Variants in IL17RA observed in about 807,000 individuals in gnomAD.
IL17RA encodes interleukin 17 receptor A.
In IL17RA, 34 loss-of-function variants were observed where a neutral mutation model predicts 50.4. The observed-to-expected ratio is 0.67, with a 90% confidence interval of 0.51 to 0.90. The LOEUF is 0.90. IL17RA is among the 40% of genes least tolerant of loss of function. IL17RA has a pLI of 0.00. For missense variants in IL17RA, 1,276 were observed against 1,169.8 expected (o/e 1.09, Z -1.32); for synonymous variants, 585 against 510.4 (o/e 1.15, Z -1.97).
At chr22:17,106,986 G>A (rs1202946853) in intron 11 of IL17RA, among the ~76,000 whole-genome samples, 2 of 152,202 alleles carry the variant, frequency 1.3e-5, no homozygotes, top group African/African-American at 4.8e-5. Flanking sequence ...CTGGGGAAGA[G>A]CTGAAAGGGT....
intron 12 of IL17RA, 113 bp from the exon 13 acceptor site, chr22:17,108,194 T>G: frequency 9.0e-7 from 1 of 1,116,246 alleles, no homozygotes; most frequent in Non-Finnish European, 1.3e-6. Flanking sequence ...GTTTCTCAGC[T>G]TAGGGAGGGA....
At chr22:17,106,149 G>C (rs1351907595) in intron 11 of IL17RA, among the ~76,000 whole-genome samples, 195 bp downstream of exon 11, 3 of 152,254 alleles carry the variant, frequency 2.0e-5, no homozygotes, top group Non-Finnish European at 4.4e-5. Context: ...TATTTGCACA[G>C]TATCTGTTAG....
intron 11 of IL17RA, among the ~76,000 whole-genome samples, chr22:17,106,630 C>T (rs1241770995): frequency 6.6e-6 from 1 of 152,208 alleles, no homozygotes; most frequent in Non-Finnish European, 1.5e-5. Flanking sequence ...GGGGCTTCAG[C>T]CCTTGCCTGC....
At chr22:17,093,459 T>C (rs542450964) in intron 1 of IL17RA, among the ~76,000 whole-genome samples, 3 of 152,330 alleles carry the variant, frequency 2.0e-5, no homozygotes, top group Non-Finnish European at 4.4e-5. Flanking sequence ...GCCCCTGGCC[T>C]CCTTATCAAT....
At position 17,109,150 on chromosome 22, in the gene IL17RA, G is replaced by A; in HGVS notation, c.1931G>A (p.Gly644Glu). 1.3e-6 allele frequency: 2 copies of A among 1,534,702 alleles called. No homozygotes were observed. Among genetic ancestry groups the A allele is most frequent in the African/African-American group, 1.4e-5 (1 of 73,246 alleles). ...AIDPLVGEEG[G>E]AAVAKLEPHL... ...GACCCGCTGGTCGGGGAGGAAGGAG[G>A]AGCAGCAGTGGCAAAGCTGGAACCT... Residue 644 changes from glycine (G) to glutamate (E), a missense_variant, in exon 13 of 13, where the codon GGA (glycine) becomes GAA (glutamate). Transcript: ENST00000319363.
chr22:17,101,573 G>A (rs1454231030), intron 5 of IL17RA, among the ~76,000 whole-genome samples: 1 of 152,212 alleles, frequency 6.6e-6, no homozygotes, highest in Non-Finnish European at 1.5e-5. Context: ...TGTATTTGTT[G>A]AAGGAGTGAA....
intron 9 of IL17RA, among the ~76,000 whole-genome samples, chr22:17,105,235 G>T (rs1375640782): frequency 6.6e-6 from 1 of 152,170 alleles, no homozygotes; most frequent in Non-Finnish European, 1.5e-5. Flanking sequence ...GGAAACTGAG[G>T]CACAGAGATG....
intron 1 of IL17RA, among the ~76,000 whole-genome samples, chr22:17,089,897 G>T (rs1034778107): frequency 1.3e-5 from 2 of 151,062 alleles, no homozygotes; most frequent in Admixed American, 6.6e-5. Context: ...CGAATGAGAG[G>T]TTTGAAATTA....
intron 1 of IL17RA, among the ~76,000 whole-genome samples, chr22:17,089,103 T>A (rs41433144): frequency 0.069 from 10,495 of 152,162 alleles, 460 homozygotes; most frequent in African/African-American, 0.13. Flanking sequence ...GCCAATTTTT[T>A]AATTTTTTTA....
At chr22:17,094,710 T>TTC (rs1325761430) in intron 1 of IL17RA, among the ~76,000 whole-genome samples, 3 of 114,244 alleles carry the variant, frequency 2.6e-5, no homozygotes, top group Admixed American at 8.9e-5. Context: ...TATATATATA[T>TTC]ATATATATTC....
In IL17RA at chr22:17,102,216, G is replaced by C. The variant is rs144085995; in HGVS notation, c.676G>C (p.Glu226Gln). The change falls in exon 7 of 13, where the codon GAA (glutamate) becomes CAA (glutamine). Residue 226 changes from glutamate to glutamine, a missense_variant. Coordinates refer to ENST00000319363, the MANE Select transcript of IL17RA (RefSeq NM_014339.7). ...QLRVSFTLWNESTHYQILLTS... is the reference protein window; with the variant it reads ...QLRVSFTLWNQSTHYQILLTS... ...GCGTGTGAGCTTCACCCTGTGGAAC[G>C]AATCTACCCATTACCAGATCCTGCT... 2.5e-4 allele frequency: 397 copies of C among 1,614,052 alleles called. 1 individual carries two copies. The highest frequency in any genetic ancestry group is 1.4e-3 in the Admixed American group (82 of 59,998).
chr22:17,102,607 AAAAG>A (rs2061395997), intron 7 of IL17RA, among the ~76,000 whole-genome samples: 1 of 152,128 alleles, frequency 6.6e-6, no homozygotes, highest in South Asian at 2.1e-4. Context: ...GGATTTAAAA[AAAAG>A]AAGAAATGTG....
At chr22:17,103,717 A>T (rs1189448825) in intron 8 of IL17RA, 140 bp downstream of exon 8, 5 of 589,572 alleles carry the variant, frequency 8.5e-6, no homozygotes, top group South Asian at 1.6e-5. Flanking sequence ...AGTGGTGTGG[A>T]CGGGAGTGGG....
intron 1 of IL17RA, among the ~76,000 whole-genome samples, chr22:17,095,035 A>G (rs1348411524): frequency 6.6e-6 from 1 of 152,056 alleles, no homozygotes; most frequent in Non-Finnish European, 1.5e-5. Flanking sequence ...AAGCTAGTAT[A>G]AGCTTAATTC....
At position 17,092,331 on chromosome 22, in the gene IL17RA, A is replaced by G. The variant is rs2061351000; in HGVS notation, c.139-4731A>G. Among the ~76,000 whole-genome samples, 4 of 152,118 alleles carry G rather than the reference A, an allele frequency of 2.6e-5. 1 individual carries two copies. In the South Asian group the frequency reaches 8.3e-4, roughly 32 times the overall value. On this transcript the variant is annotated intron_variant, in intron 1 of 12. Transcript: ENST00000319363. ...ATAAACTGGGAAATGTGTTTCCCTG[A>G]GTTCTCTGAGCAGCTTTAGCAAATT...
rs751015506 is a variant in IL17RA, at chr22:17,098,815, G to C, written c.351G>C (p.Leu117=). The C allele has an allele frequency of 3.6e-5, 58 of 1,614,102 alleles. No individual in the cohort carries two copies. The highest frequency in any genetic ancestry group is 4.8e-5 in the Non-Finnish European group (57 of 1,180,052). ...LYLEGAELSV[L]QLNTNERLCV... is the part of the protein sequence containing the mutation. Reference sequence around the variant, plus strand: ...TCGAGGGTGCAGAGTTATCTGTCCTGCAGCTGAACACCAATGAACGTTTGT... The same window carrying C: ...TCGAGGGTGCAGAGTTATCTGTCCTCCAGCTGAACACCAATGAACGTTTGT... Residue 117 remains leucine (L), a synonymous_variant, in exon 4 of 13, where the codon CTG becomes CTC. Coordinates refer to ENST00000319363, the MANE Select transcript of IL17RA (RefSeq NM_014339.7).
At position 17,098,800 on chromosome 22, in the gene IL17RA, A is replaced by G. The variant is rs763029438; in HGVS notation, c.336A>G (p.Ala112=). Reference sequence around the variant, plus strand: ...CCAGCATCCTGTACCTCGAGGGTGCAGAGTTATCTGTCCTGCAGCTGAACA... The same window carrying G: ...CCAGCATCCTGTACCTCGAGGGTGCGGAGTTATCTGTCCTGCAGCTGAACA... ...TDASILYLEG[A]ELSVLQLNTN... The change falls in exon 4 of 13, where the codon GCA becomes GCG. Residue 112 remains alanine (A), a synonymous_variant. Transcript: ENST00000319363. 5.6e-6 allele frequency: 9 copies of G among 1,614,206 alleles called. No homozygotes were observed. Among genetic ancestry groups the G allele is most frequent in the Non-Finnish European group, 6.8e-6 (8 of 1,180,022 alleles).
intron 11 of IL17RA, 40 bp from the exon 12 acceptor site, chr22:17,107,687 T>C (rs1337114120): frequency 2.5e-6 from 4 of 1,580,416 alleles, no homozygotes; most frequent in Non-Finnish European, 8.7e-7. Flanking sequence ...CTATTTCTCT[T>C]CCCAAAGAAC....
chr22:17,103,675 G>GTCC, intron 8 of IL17RA, 98 bp downstream of exon 8: 1 of 962,700 alleles, frequency 1.0e-6, no homozygotes, highest in Non-Finnish European at 1.6e-6. Flanking sequence ...GAGTGGTGTG[G>GTCC]ACGGGAGTGG....
Sources: gnomAD v4.1 joint callset for allele counts (sites outside exome capture counted in the v4.1 genomes callset) on GRCh38, gnomAD v4.1.1 for gene constraint, MANE v1.5 for transcripts, NCBI Gene and HGNC (gene_info 2026-07-23, HGNC 2026-07-21) for gene names.